CYP2C19: variants seen among roughly 807,000 people sequenced by gnomAD.
CYP2C19 encodes cytochrome P450 family 2 subfamily C member 19.
A neutral mutation model predicts 40.9 loss-of-function variants in CYP2C19; 59 were observed. That is an observed-to-expected ratio of 1.44 (90% CI 1.17 to 1.79). CYP2C19 has a LOEUF of 1.79. Among genes scored for constraint, CYP2C19 ranks in the 40% most tolerant of loss-of-function variants. CYP2C19 has a pLI of 0.00. For synonymous variants in CYP2C19, 253 were observed against 208.7 expected (o/e 1.21, Z -1.83); for missense variants, 754 against 596.9 (o/e 1.26, Z -2.74).
At chr10:94,795,688 T>C (rs977069685) in intron 5 of CYP2C19, among the ~76,000 whole-genome samples, 2 of 152,162 alleles carry the variant, frequency 1.3e-5, no homozygotes, top group Admixed American at 1.3e-4. Flanking sequence ...TTTTTAATGA[T>C]CACTGTTCTA....
At chr10:94,815,876 G>T (rs1415929494) in intron 5 of CYP2C19, among the ~76,000 whole-genome samples, 2 of 152,144 alleles carry the variant, frequency 1.3e-5, no homozygotes, top group African/African-American at 4.8e-5. Context: ...TTGAGTCCAT[G>T]TACCTTTCTG....
chr10:94,783,226 G>A (rs945285618), intron 5 of CYP2C19, among the ~76,000 whole-genome samples: 4 of 152,220 alleles, frequency 2.6e-5, no homozygotes, highest in South Asian at 4.1e-4. Flanking sequence ...GATGAAAATG[G>A]GCATCATTAT....
chr10:94,845,536 A>G (rs569276022), intron 7 of CYP2C19, among the ~76,000 whole-genome samples: 1 of 152,282 alleles, frequency 6.6e-6, no homozygotes, highest in East Asian at 1.9e-4. Context: ...TCCTATTTAA[A>G]GAATATTTGT....
At chr10:94,820,192 C>G (rs546983763) in intron 5 of CYP2C19, among the ~76,000 whole-genome samples, 3 of 151,834 alleles carry the variant, frequency 2.0e-5, no homozygotes, top group South Asian at 2.1e-4. Flanking sequence ...ATTCAACAAC[C>G]CTTCATGCTA....
intron 5 of CYP2C19, among the ~76,000 whole-genome samples, chr10:94,794,855 C>A (rs1237748087): frequency 6.6e-6 from 1 of 152,036 alleles, no homozygotes; most frequent in Non-Finnish European, 1.5e-5. Flanking sequence ...CAAACAGGGA[C>A]AATTTAACTT....
At chr10:94,805,407 T>C (rs1476506152) in intron 5 of CYP2C19, among the ~76,000 whole-genome samples, 1 of 152,218 alleles carries the variant, frequency 6.6e-6, no homozygotes, top group Non-Finnish European at 1.5e-5. Flanking sequence ...TTGTTTATTG[T>C]GTGTAATCTT....
At position 94,801,966 on chromosome 10, in the gene CYP2C19, C is replaced by A. The variant is rs116334396; in HGVS notation, c.820-18530C>A. On this transcript the variant is annotated intron_variant, in intron 5 of 8. Coordinates refer to ENST00000371321, the MANE Select transcript of CYP2C19 (RefSeq NM_000769.4). ...TAGCAGCAAGATTTATTGTGGAGAGCGAAAGAACAAAGCTTTGACATCATG... is the reference window on the plus strand; with the variant it reads ...TAGCAGCAAGATTTATTGTGGAGAGAGAAAGAACAAAGCTTTGACATCATG... 3.1e-3 allele frequency among the ~76,000 whole-genome samples: 476 copies of A among 152,212 alleles called. 3 individuals are homozygous for A. Among genetic ancestry groups the A allele is most frequent in the African/African-American group, 0.011 (448 of 41,544 alleles).
intron 7 of CYP2C19, among the ~76,000 whole-genome samples, chr10:94,846,378 G>A (rs1849573313): frequency 6.6e-6 from 1 of 152,160 alleles, no homozygotes; most frequent in South Asian, 2.1e-4. Flanking sequence ...CAGTGGTGAG[G>A]CAGAGGCACA....
intron 3 of CYP2C19, among the ~76,000 whole-genome samples, chr10:94,776,627 C>T (rs576793885): frequency 3.3e-5 from 5 of 152,092 alleles, no homozygotes; most frequent in Non-Finnish European, 4.4e-5. Flanking sequence ...TTTGGAAGCT[C>T]TTTAAATATA....
At chr10:94,830,518 G>T (rs959967629) in intron 6 of CYP2C19, among the ~76,000 whole-genome samples, 1 of 152,040 alleles carries the variant, frequency 6.6e-6, no homozygotes, top group East Asian at 1.9e-4. Context: ...TTCGGCTCCC[G>T]CAGGGTGCAC....
intron 5 of CYP2C19, among the ~76,000 whole-genome samples, chr10:94,793,062 C>CT: frequency 2.0e-5 from 3 of 152,226 alleles, no homozygotes; most frequent in Admixed American, 2.0e-4. Flanking sequence ...TCTTTTTACT[C>CT]TTTTTTCTCT....
rs916004483 is a variant in CYP2C19, at chr10:94,777,002, C to T, written c.481+1463C>T. On this transcript the variant is annotated intron_variant, in intron 3 of 8. Transcript: ENST00000371321. Reference sequence around the variant, plus strand: ...AAAAATCACAAGCATTCCTATACACCAATAATAGACAAGCAGACAGTCAAA... The same window carrying T: ...AAAAATCACAAGCATTCCTATACACTAATAATAGACAAGCAGACAGTCAAA... Among the ~76,000 whole-genome samples the T allele has an allele frequency of 3.3e-5, 5 of 152,070 alleles. No individual in the cohort carries two copies. The East Asian group carries it at 9.7e-4, about 29-fold the overall frequency.
intron 1 of CYP2C19, among the ~76,000 whole-genome samples, chr10:94,765,216 C>G (rs904293607): frequency 4.6e-5 from 7 of 151,994 alleles, no homozygotes; most frequent in Non-Finnish European, 8.8e-5. Flanking sequence ...CATTCCTAAC[C>G]CTATAAGTAG....
intron 8 of CYP2C19, among the ~76,000 whole-genome samples, chr10:94,851,599 C>T (rs908970998): frequency 6.6e-6 from 1 of 152,144 alleles, no homozygotes; most frequent in Admixed American, 6.6e-5. Context: ...TTATTTCTCA[C>T]AGTTCTGAAG....
intron 3 of CYP2C19, among the ~76,000 whole-genome samples, chr10:94,779,857 A>G (rs1297350090): frequency 6.6e-6 from 1 of 152,022 alleles, no homozygotes; most frequent in Non-Finnish European, 1.5e-5. Context: ...AGTGTGCCCT[A>G]TCTAATTTAC....
intron 6 of CYP2C19, among the ~76,000 whole-genome samples, chr10:94,827,164 A>T (rs1849240373): frequency 6.6e-6 from 1 of 151,630 alleles, no homozygotes; most frequent in Non-Finnish European, 1.5e-5. Context: ...TATCAGAATG[A>T]TGCTGGCCTC....
chr10:94,764,724 G>A (rs567055425), intron 1 of CYP2C19, among the ~76,000 whole-genome samples: 2 of 152,260 alleles, frequency 1.3e-5, no homozygotes, highest in South Asian at 4.1e-4. Flanking sequence ...CTCATTTGGG[G>A]TTCCATTTGT....
At chr10:94,771,371 A>C (rs1270943628) in intron 1 of CYP2C19, among the ~76,000 whole-genome samples, 1 of 152,148 alleles carries the variant, frequency 6.6e-6, no homozygotes, top group Non-Finnish European at 1.5e-5. Flanking sequence ...TGTAAATTGC[A>C]AGCTTTGCAT....
intron 6 of CYP2C19, among the ~76,000 whole-genome samples, chr10:94,829,503 C>G (rs1031420929): frequency 3.9e-5 from 6 of 152,202 alleles, no homozygotes; most frequent in Admixed American, 2.6e-4. Flanking sequence ...TTTTCAGCTC[C>G]ATAAGCTCCT....
Sources: gnomAD v4.1 joint callset for allele counts (sites outside exome capture counted in the v4.1 genomes callset) on GRCh38, gnomAD v4.1.1 for gene constraint, MANE v1.5 for transcripts, NCBI Gene and HGNC (gene_info 2026-07-23, HGNC 2026-07-21) for gene names.